Variants in ADCY2 observed in about 807,000 individuals in gnomAD.
The protein encoded by ADCY2 is adenylate cyclase type 2.
In ADCY2, 31 loss-of-function variants were observed where a neutral mutation model predicts 125.2. The observed-to-expected ratio is 0.25, with a 90% CI of 0.19 to 0.33. The LOEUF (loss-of-function observed/expected upper bound fraction) is 0.33, where lower values mean the gene tolerates loss of function less well. ADCY2 is among the 10% of genes least tolerant of loss of function. The probability of loss-of-function intolerance (pLI) is 1.00; values close to 1 mark genes in which losing one functional copy is unlikely to be tolerated. For synonymous variants in ADCY2, 512 were observed against 548.4 expected, an observed-to-expected ratio of 0.93 and a Z score of 0.93; for missense variants, 904 against 1,418.2, an observed-to-expected ratio of 0.64 and a Z score of 5.82.
chr5:7,590,968 A>T (rs957205305), intron 3 of ADCY2, among the ~76,000 whole-genome samples: 1 of 152,178 alleles, frequency 6.6e-6, no homozygotes, highest in Non-Finnish European at 1.5e-5. Flanking sequence ...TTTCAAATCC[A>T]TGGATTCTTA....
chr5:7,590,151 G>A (rs1312579139), intron 3 of ADCY2, among the ~76,000 whole-genome samples: 1 of 152,118 alleles, frequency 6.6e-6, no homozygotes, highest in Non-Finnish European at 1.5e-5. Context: ...GAGTCACTTG[G>A]GGAGTCACCG....
At chr5:7,754,463 T>C (rs764230335) in intron 15 of ADCY2, among the ~76,000 whole-genome samples, 13 of 152,158 alleles carry the variant, frequency 8.5e-5, no homozygotes, top group Non-Finnish European at 1.5e-4. Context: ...TGATAATTTC[T>C]GTGTACAGAA....
At chr5:7,503,968 C>A (rs1743701969) in intron 2 of ADCY2, among the ~76,000 whole-genome samples, 1 of 152,102 alleles carries the variant, frequency 6.6e-6, no homozygotes, top group African/African-American at 2.4e-5. Context: ...TGGGTTTGTC[C>A]TTTGCGGGAG....
At chr5:7,517,518 G>A (rs995614209) in intron 2 of ADCY2, among the ~76,000 whole-genome samples, 36 of 152,140 alleles carry the variant, frequency 2.4e-4, no homozygotes, top group Admixed American at 8.5e-4. Flanking sequence ...TATGGGACTC[G>A]AAGCTGCAGT....
At chr5:7,678,010 T>C (rs931104512) in intron 4 of ADCY2, among the ~76,000 whole-genome samples, 1 of 152,240 alleles carries the variant, frequency 6.6e-6, no homozygotes, top group African/African-American at 2.4e-5. Context: ...TACTGTTTGA[T>C]AAATATTTTT....
chr5:7,732,596 AT>A (rs1191231688), intron 14 of ADCY2, among the ~76,000 whole-genome samples: 3 of 152,166 alleles, frequency 2.0e-5, no homozygotes, highest in African/African-American at 7.2e-5. Context: ...TTTATGAGGC[AT>A]TTTTGTTAGA....
chr5:7,616,540 G>A (rs1486449325), intron 3 of ADCY2, among the ~76,000 whole-genome samples: 1 of 152,134 alleles, frequency 6.6e-6, no homozygotes, highest in Non-Finnish European at 1.5e-5. Context: ...TAAATGCTCA[G>A]CAAATGTTTT....
At chr5:7,793,001 C>G (rs1028827394) in intron 20 of ADCY2, among the ~76,000 whole-genome samples, 4 of 152,174 alleles carry the variant, frequency 2.6e-5, no homozygotes, top group Non-Finnish European at 5.9e-5. Flanking sequence ...CAGCAAAGTG[C>G]GGGTCTTGGC....
intron 21 of ADCY2, among the ~76,000 whole-genome samples, chr5:7,803,900 G>A (rs938345381): frequency 5.4e-5 from 8 of 148,170 alleles, no homozygotes; most frequent in African/African-American, 7.5e-5. Flanking sequence ...ACTCTGTCTC[G>A]AATATATATA....
intron 14 of ADCY2, 40 bp from the exon 15 acceptor site, chr5:7,743,628 C>T (rs543351694): frequency 1.4e-5 from 22 of 1,580,370 alleles, no homozygotes; most frequent in South Asian, 4.5e-5. Context: ...ATGAGAGAAA[C>T]GATCTCCACC....
chr5:7,474,714 A>G (rs1340266208), intron 2 of ADCY2, among the ~76,000 whole-genome samples: 1 of 152,218 alleles, frequency 6.6e-6, no homozygotes, highest in Non-Finnish European at 1.5e-5. Flanking sequence ...AGGTGGTGGA[A>G]AGAAAGAAGC....
intron 17 of ADCY2, 134 bp from the exon 18 acceptor site, chr5:7,772,798 G>T: frequency 1.3e-6 from 1 of 749,908 alleles, no homozygotes; most frequent in Non-Finnish European, 2.1e-6. Flanking sequence ...TCAAAGATGA[G>T]AAACAAGCCT....
intron 3 of ADCY2, among the ~76,000 whole-genome samples, chr5:7,549,102 A>G (rs1735243943): frequency 6.6e-6 from 1 of 152,190 alleles, no homozygotes; most frequent in South Asian, 2.1e-4. Context: ...ATTTTCTTCT[A>G]GTTCTTACAA....
chr5:7,748,537 C>CACACAG lies in ADCY2; in HGVS notation c.1956+4790_1956+4791insGACACA, dbSNP rs1553984363. On this transcript the variant is annotated intron_variant, in intron 15 of 24. Transcript: ENST00000338316. ...ACCCTCCAACACACACACACACACA[C>CACACAG]ACACACACACACACACACACACACA... Among the ~76,000 whole-genome samples the CACACAG allele has an allele frequency of 2.8e-3, 378 of 136,350 alleles. 3 individuals carry two copies. The highest frequency in any genetic ancestry group is 0.014 in the East Asian group (71 of 4,950). 89.5% of individuals were successfully genotyped at this position (136,350 alleles called of 152,430 possible).
chr5:7,744,507 C>T (rs1420349801), intron 15 of ADCY2, among the ~76,000 whole-genome samples: 1 of 152,214 alleles, frequency 6.6e-6, no homozygotes, highest in Non-Finnish European at 1.5e-5. Flanking sequence ...TTAAGCCAAT[C>T]AGGTTTAAAT....
intron 3 of ADCY2, among the ~76,000 whole-genome samples, chr5:7,561,493 A>G (rs1735706509): frequency 6.6e-6 from 1 of 151,846 alleles, no homozygotes; most frequent in South Asian, 2.1e-4. Flanking sequence ...CTTTTATGAA[A>G]CTATCATTGT....
chr5:7,827,696 G>A lies in ADCY2; in HGVS notation c.*825G>A, dbSNP rs2126548158. ...TAATTCAGATTAGGACACAGTGTGT[G>A]ACGCAGATAACTGGTTACTCAGCTC... On this transcript the variant is annotated 3_prime_UTR_variant, in exon 25 of 25. Transcript: ENST00000338316. 6.6e-6 allele frequency: 1 copy of A among 152,484 alleles called. No individual in the cohort carries two copies. The highest frequency in any genetic ancestry group is 2.1e-4 in the South Asian group (1 of 4,820). The allele number at this position is 152,484 out of a possible 1,614,324, so 9.4% of individuals were successfully genotyped here.
chr5:7,675,761 TG>T (rs1262856742), intron 4 of ADCY2, among the ~76,000 whole-genome samples: 2 of 152,152 alleles, frequency 1.3e-5, no homozygotes, highest in East Asian at 3.9e-4. Context: ...GTTAATGAAA[TG>T]GTGGGCAGGT....
In ADCY2 at chr5:7,538,390, G is replaced by A. The variant is rs568136520; in HGVS notation, c.570+17491G>A. ...AATAATGGAATACGACTGAGGATTAGGGATTGGGAGTATGTAATTCCCAGC... is the reference window on the plus strand; with the variant it reads ...AATAATGGAATACGACTGAGGATTAAGGATTGGGAGTATGTAATTCCCAGC... On this transcript the variant is annotated intron_variant, in intron 3 of 24. Transcript: ENST00000338316. 2.0e-5 allele frequency among the ~76,000 whole-genome samples: 3 copies of A among 152,274 alleles called. No individual in the cohort carries two copies. The South Asian group carries it at 6.2e-4, about 32-fold the overall frequency.
Sources: allele counts gnomAD v4.1 joint callset (sites outside exome capture counted in the v4.1 genomes callset), GRCh38; gene constraint gnomAD v4.1.1; transcripts MANE v1.5; gene names NCBI Gene and HGNC (gene_info 2026-07-23, HGNC 2026-07-21).